Variants in SAP30BP observed in about 807,000 individuals in gnomAD.
SAP30BP encodes SAP30-binding protein.
In SAP30BP, 31 loss-of-function variants were observed where a neutral mutation model predicts 46.3. The observed-to-expected ratio is 0.67, with a 90% CI of 0.50 to 0.90. The LOEUF is 0.90. Among genes scored for constraint, SAP30BP ranks in the 40% least tolerant of loss-of-function variants. The pLI is 0.00. For missense variants in SAP30BP, 312 were observed against 391.0 expected, an observed-to-expected ratio of 0.80 and a Z score of 1.70; for synonymous variants, 169 against 144.2, an observed-to-expected ratio of 1.17 and a Z score of -1.23.
At position 75,671,982 on chromosome 17, in the gene SAP30BP, AT is replaced by A. The variant is rs1259814513; in HGVS notation, c.264+123del. 3.6e-5 allele frequency: 30 copies of A among 828,034 alleles called. 1 individual carries two copies. The Admixed American group carries it at 5.1e-4, about 14-fold the overall frequency. 51.3% of individuals were successfully genotyped at this position (828,034 alleles called of 1,614,324 possible). A position where few individuals can be genotyped will look rare whatever the true frequency, so the allele number is the denominator to read the frequency against. On this transcript the variant is annotated intron_variant, in intron 3 of 10. Coordinates refer to ENST00000584667, the MANE Select transcript of SAP30BP (RefSeq NM_013260.8). ...TGACAAACTGTGCAACTGTGTGGAC[AT>A]TTTCTGGGATAAAATAAGCTTTATA...
chr17:75,688,220 A>C (rs1449472563), intron 3 of SAP30BP, among the ~76,000 whole-genome samples: 1 of 152,214 alleles, frequency 6.6e-6, no homozygotes. Flanking sequence ...AATGGGCAGC[A>C]GGGAATCCTC....
intron 4 of SAP30BP, among the ~76,000 whole-genome samples, chr17:75,695,528 A>G (rs1172549999): frequency 6.6e-6 from 1 of 152,176 alleles, no homozygotes; most frequent in Non-Finnish European, 1.5e-5. Context: ...GAGGACACAA[A>G]TGGATCTTTA....
intron 1 of SAP30BP, among the ~76,000 whole-genome samples, chr17:75,667,843 G>A (rs896086348): frequency 2.0e-5 from 3 of 152,190 alleles, no homozygotes; most frequent in Non-Finnish European, 2.9e-5. Flanking sequence ...GATTGTGTTC[G>A]TTAACTTTAT....
Position 75,667,477 on chromosome 17 carries a change from T to C in SAP30BP, c.105T>C (p.Ala35=), listed in dbSNP as rs1216939334. 6.2e-7 allele frequency: 1 copy of C among 1,613,964 alleles called. No homozygotes were observed. Among genetic ancestry groups the C allele is most frequent in the South Asian group, 1.1e-5 (1 of 91,072 alleles). ...EAGIEAVGSA[A]EEKGGLVSDA... Reference sequence around the variant, plus strand: ...GAATCGAGGCGGTGGGCAGCGCGGCTGGTAAGGCCCAAGTGCGAAGCTGGA... The same window carrying C: ...GAATCGAGGCGGTGGGCAGCGCGGCCGGTAAGGCCCAAGTGCGAAGCTGGA... The change falls in exon 1 of 11, where the codon GCT becomes GCC. Residue 35 remains alanine (A), a splice_region_variant and synonymous_variant. Coordinates refer to ENST00000584667, the MANE Select transcript of SAP30BP (RefSeq NM_013260.8).
chr17:75,697,001 TCTC>T (rs1364326760), intron 4 of SAP30BP, among the ~76,000 whole-genome samples: 1 of 152,012 alleles, frequency 6.6e-6, no homozygotes, highest in Non-Finnish European at 1.5e-5. Context: ...ATGATCTCGA[TCTC>T]CTGACCTTGT....
intron 8 of SAP30BP, among the ~76,000 whole-genome samples, chr17:75,704,074 C>T (rs1370512813): frequency 6.6e-6 from 1 of 152,174 alleles, no homozygotes; most frequent in Non-Finnish European, 1.5e-5. Flanking sequence ...GCCAGTAACG[C>T]CAGCATCGAT....
At chr17:75,686,535 A>AT (rs2060159874) in intron 3 of SAP30BP, among the ~76,000 whole-genome samples, 1 of 151,970 alleles carries the variant, frequency 6.6e-6, no homozygotes, top group African/African-American at 2.4e-5. Context: ...AAAAAAAAAA[A>AT]GAAAGAAAAA....
chr17:75,681,768 G>A (rs1052214432), intron 3 of SAP30BP, among the ~76,000 whole-genome samples: 3 of 152,154 alleles, frequency 2.0e-5, no homozygotes, highest in Non-Finnish European at 2.9e-5. Context: ...TGGTATATTC[G>A]CTGCCCTTCC....
intron 9 of SAP30BP, chr17:75,705,422 C>T (rs1256731152): frequency 5.9e-6 from 1 of 168,162 alleles, no homozygotes; most frequent in Non-Finnish European, 1.3e-5. Context: ...GCAGCTGCGG[C>T]CTCCAGACCG....
At chr17:75,679,766 G>A (rs1020634199) in intron 3 of SAP30BP, 2 of 152,144 alleles carry the variant, frequency 1.3e-5, no homozygotes, top group Non-Finnish European at 2.9e-5. Context: ...TGTCTCTTCG[G>A]TAAGCAGCAA....
intron 3 of SAP30BP, among the ~76,000 whole-genome samples, chr17:75,688,282 T>C (rs1282341560): frequency 6.6e-6 from 1 of 152,110 alleles, no homozygotes; most frequent in Non-Finnish European, 1.5e-5. Flanking sequence ...ATTGTGCTCG[T>C]GAAGTGAGAT....
chr17:75,682,429 C>T (rs987993671), intron 3 of SAP30BP, among the ~76,000 whole-genome samples: 1 of 152,116 alleles, frequency 6.6e-6, no homozygotes, highest in African/African-American at 2.4e-5. Flanking sequence ...AGGTGATACA[C>T]CTGCCTCGGC....
At chr17:75,705,885 A>T in intron 9 of SAP30BP, 123 bp from the exon 10 acceptor site, 2 of 1,394,280 alleles carry the variant, frequency 1.4e-6, no homozygotes, top group Non-Finnish European at 2.0e-6. Flanking sequence ...GGCAGAGCAG[A>T]GTTCATTTCC....
chr17:75,670,939 A>G lies in SAP30BP; in HGVS notation c.217-877A>G, dbSNP rs946810336. ...GGTATTTAGTTAAAGGCTTCTGTGCATTGGGAGTGTTCTGGGTAGTGGAGG... is the reference window on the plus strand; with the variant it reads ...GGTATTTAGTTAAAGGCTTCTGTGCGTTGGGAGTGTTCTGGGTAGTGGAGG... On this transcript the variant is annotated intron_variant, in intron 2 of 10. Coordinates refer to ENST00000584667, the MANE Select transcript of SAP30BP (RefSeq NM_013260.8). 2.0e-5 allele frequency among the ~76,000 whole-genome samples: 3 copies of G among 152,326 alleles called. No individual in the cohort carries two copies. In the South Asian group the frequency reaches 6.2e-4, roughly 32 times the overall value.
chr17:75,704,040 A>G (rs1364374129), intron 8 of SAP30BP, among the ~76,000 whole-genome samples, 181 bp downstream of exon 8: 2 of 117,518 alleles, frequency 1.7e-5, no homozygotes, highest in East Asian at 4.8e-4. Context: ...GGCTTATGCC[A>G]CAGCAAAGAA....
intron 3 of SAP30BP, among the ~76,000 whole-genome samples, chr17:75,688,604 C>T (rs557822174): frequency 8.5e-5 from 13 of 152,114 alleles, no homozygotes; most frequent in Admixed American, 4.6e-4. Context: ...TTTGTGGGGC[C>T]GGTTCCAGGA....
chr17:75,698,590 G>C (rs2060357875), intron 4 of SAP30BP, among the ~76,000 whole-genome samples: 1 of 144,732 alleles, frequency 6.9e-6, no homozygotes, highest in Admixed American at 6.8e-5. Context: ...GGCTGGAGCT[G>C]GTTTACAGAC....
rs572371935 is a variant in SAP30BP at position 75,687,716 on chromosome 17, C to T, written c.265-5724C>T. Among the ~76,000 whole-genome samples the T allele has an allele frequency of 3.3e-5, 5 of 152,188 alleles. No individual in the cohort carries two copies. The East Asian group carries it at 5.8e-4, about 18-fold the overall frequency. ...GTTGGTGTCCCCTCCCCACCTTCTC[C>T]TGCCCCTTGGCAGACTTTTATTGCA... On this transcript the variant is annotated intron_variant, in intron 3 of 10. Coordinates refer to ENST00000584667, the MANE Select transcript of SAP30BP (RefSeq NM_013260.8).
intron 3 of SAP30BP, among the ~76,000 whole-genome samples, chr17:75,681,936 G>C (rs1412500952): frequency 1.3e-5 from 2 of 152,116 alleles, no homozygotes; most frequent in Non-Finnish European, 2.9e-5. Context: ...CAGGTTGTTT[G>C]TGTGCCTTTG....
Sources: allele counts gnomAD v4.1 joint callset (sites outside exome capture counted in the v4.1 genomes callset), GRCh38; gene constraint gnomAD v4.1.1; transcripts MANE v1.5; gene names NCBI Gene and HGNC (gene_info 2026-07-23, HGNC 2026-07-21).